The following METAP1 variants were observed in gnomAD, a reference collection of about 807,000 sequenced individuals.
METAP1 encodes the protein methionine aminopeptidase 1.
Under a neutral mutation model 53.8 loss-of-function variants are expected in METAP1, and 28 were observed. The observed-to-expected ratio is 0.52, with a 90% CI of 0.39 to 0.71. The LOEUF (loss-of-function observed/expected upper bound fraction) is 0.71, where lower values mean the gene tolerates loss of function less well. METAP1 is among the 30% of genes least tolerant of loss of function. The probability of loss-of-function intolerance (pLI) is 0.00; values close to 1 mark genes in which losing one functional copy is unlikely to be tolerated. For missense variants in METAP1, 389 were observed against 479.8 expected (o/e 0.81, Z 1.77); for synonymous variants, 181 against 165.7 (o/e 1.09, Z -0.71).
intron 1 of METAP1, among the ~76,000 whole-genome samples, chr4:99,006,550 G>T (rs1261738447): frequency 6.6e-6 from 1 of 152,070 alleles, no homozygotes; most frequent in Admixed American, 6.5e-5. Context: ...TAAATATTCA[G>T]CAAACATTTT....
intron 1 of METAP1, among the ~76,000 whole-genome samples, chr4:99,011,064 T>C (rs1449018311): frequency 6.6e-6 from 1 of 152,112 alleles, no homozygotes; most frequent in Non-Finnish European, 1.5e-5. Flanking sequence ...AATGAAATCT[T>C]TAAGGTTTTC....
At chr4:99,006,180 T>C (rs151322087) in intron 1 of METAP1, among the ~76,000 whole-genome samples, 2,359 of 152,290 alleles carry the variant, frequency 0.015, 34 homozygotes, top group Middle Eastern at 0.058. Flanking sequence ...CTTGCAAAAA[T>C]TTAAAAGGGT....
At chr4:98,996,758 C>G (rs1399663101) in intron 1 of METAP1, among the ~76,000 whole-genome samples, 3 of 152,148 alleles carry the variant, frequency 2.0e-5, no homozygotes, top group South Asian at 4.1e-4. Flanking sequence ...CATTTCGAGA[C>G]CCAGGATGAG....
chr4:99,006,785 T>G (rs1197060683), intron 1 of METAP1, among the ~76,000 whole-genome samples: 1 of 152,140 alleles, frequency 6.6e-6, no homozygotes, highest in Non-Finnish European at 1.5e-5. Flanking sequence ...TAATTTAGAA[T>G]AGTCCTCATC....
chr4:99,059,013 T>C (rs1579345981), intron 10 of METAP1, among the ~76,000 whole-genome samples: 1 of 152,222 alleles, frequency 6.6e-6, no homozygotes, highest in East Asian at 1.9e-4. Context: ...GTAAAGATGG[T>C]AAGTATTTAG....
chr4:99,057,680 C>A, intron 9 of METAP1, 73 bp from the exon 10 acceptor site: 1 of 1,073,838 alleles, frequency 9.3e-7, no homozygotes, highest in Non-Finnish European at 1.4e-6. Flanking sequence ...GAGTTATGTA[C>A]TCTTTCTAGT....
intron 1 of METAP1, among the ~76,000 whole-genome samples, chr4:99,011,467 T>A (rs1005861886): frequency 3.3e-4 from 51 of 152,380 alleles, no homozygotes; most frequent in Non-Finnish European, 6.3e-4. Flanking sequence ...AATTGATTTT[T>A]GTTTTTGAAT....
intron 1 of METAP1, among the ~76,000 whole-genome samples, chr4:99,024,872 CA>C (rs1388406681): frequency 6.6e-6 from 1 of 152,082 alleles, no homozygotes; most frequent in Non-Finnish European, 1.5e-5. Flanking sequence ...TTGTGAAAGA[CA>C]ATTTTTCCAT....
intron 1 of METAP1, among the ~76,000 whole-genome samples, chr4:99,003,714 T>C (rs1723028397): frequency 6.6e-6 from 1 of 152,326 alleles, no homozygotes; most frequent in East Asian, 1.9e-4. Flanking sequence ...AAACTCAAAC[T>C]TTTTTCCCTC....
chr4:99,032,924 T>G (rs1372571808), intron 2 of METAP1, among the ~76,000 whole-genome samples: 1 of 152,238 alleles, frequency 6.6e-6, no homozygotes, highest in Non-Finnish European at 1.5e-5. Context: ...TTCAATAGCA[T>G]GGTATCTTTC....
At chr4:99,020,230 C>T (rs764418621) in intron 1 of METAP1, among the ~76,000 whole-genome samples, 52 of 152,124 alleles carry the variant, frequency 3.4e-4, no homozygotes, top group Non-Finnish European at 6.5e-4. Flanking sequence ...TCAATTTGCT[C>T]TGCTACTCTC....
chr4:99,048,602 T>C lies in METAP1; in HGVS notation c.788-131T>C. 4.1e-6 allele frequency: 4 copies of C among 972,184 alleles called. No individual in the cohort carries two copies. The South Asian group carries it at 6.5e-5, about 16-fold the overall frequency. The allele number at this position is 972,184 out of a possible 1,614,324, so 60.2% of individuals were successfully genotyped here. ...CCAGGCTGGTCTTGAACTCCTGAGC[T>C]CAGGCGATCTTCCTGCCTTGACCTC... is the stretch of plus-strand genomic sequence containing the variant. On this transcript the variant is annotated intron_variant, in intron 8 of 10. Coordinates refer to ENST00000296411, the MANE Select transcript of METAP1 (RefSeq NM_015143.3).
chr4:99,025,238 C>G (rs1724478673), intron 1 of METAP1: 1 of 425,812 alleles, frequency 2.3e-6, no homozygotes, highest in Non-Finnish European at 3.1e-6. Context: ...GGCCTGTGCC[C>G]AGGAATGAAC....
At chr4:99,004,787 C>T (rs549359893) in intron 1 of METAP1, among the ~76,000 whole-genome samples, 1 of 152,106 alleles carries the variant, frequency 6.6e-6, no homozygotes, top group Non-Finnish European at 1.5e-5. Context: ...TATTCTTTTA[C>T]AACATGCGTT....
intron 1 of METAP1, chr4:99,023,476 C>T (rs1724301793): frequency 2.0e-6 from 2 of 984,978 alleles, no homozygotes; most frequent in South Asian, 9.4e-5. Context: ...ACTCAGCATT[C>T]TTTCTAACAT....
intron 10 of METAP1, among the ~76,000 whole-genome samples, chr4:99,058,830 A>G (rs551378095): frequency 1.3e-5 from 2 of 152,274 alleles, no homozygotes; most frequent in South Asian, 4.1e-4. Flanking sequence ...CTGGTTCCTT[A>G]TTGCGTTTTC....
chr4:99,021,317 C>T (rs1431345950), intron 1 of METAP1, among the ~76,000 whole-genome samples: 1 of 152,154 alleles, frequency 6.6e-6, no homozygotes, highest in Non-Finnish European at 1.5e-5. Context: ...GGCTCATGCA[C>T]GAGGTCTCCT....
At position 99,048,797 on chromosome 4, in the gene METAP1, G is replaced by C. The variant is rs145887689; in HGVS notation, c.852G>C (p.Gly284=). The part of the protein sequence containing the change: ...NIIQKHAQAN[G]FSVVRSYCGH... ...TCCAGAAGCATGCCCAAGCAAATGGGTTTTCAGTTGTTCGAAGCTATTGTG... is the reference window on the plus strand; with the variant it reads ...TCCAGAAGCATGCCCAAGCAAATGGCTTTTCAGTTGTTCGAAGCTATTGTG... The change falls in exon 9 of 11, where the codon GGG becomes GGC. Residue 284 remains glycine (G), a synonymous_variant. Transcript: ENST00000296411. 3.7e-5 allele frequency: 59 copies of C among 1,613,972 alleles called. No individual in the cohort carries two copies. The African/African-American group carries it at 4.7e-4, about 13-fold the overall frequency.
Position 99,045,222 on chromosome 4 carries a change from T to G in METAP1, c.699T>G (p.Asn233Lys). Residue 233 changes from asparagine to lysine, a missense_variant, in exon 8 of 11, where the codon AAT becomes AAG. Transcript: ENST00000296411. ...LYRNGYHGDL[N>K]ETFFVGEVDD... ...GCAATGGTTATCATGGGGACCTGAA[T>G]GAGACATTTTTTGTTGGAGAAGTGG... The G allele has an allele frequency of 6.2e-7, 1 of 1,613,776 alleles. No homozygotes were observed. Among genetic ancestry groups the G allele is most frequent in the Non-Finnish European group, 8.5e-7 (1 of 1,179,766 alleles).
Sources: gnomAD v4.1 joint callset for allele counts (sites outside exome capture counted in the v4.1 genomes callset) on GRCh38, gnomAD v4.1.1 for gene constraint, MANE v1.5 for transcripts, NCBI Gene and HGNC (gene_info 2026-07-23, HGNC 2026-07-21) for gene names.